Variants in NUP205 observed in about 807,000 individuals in gnomAD.
NUP205 encodes the protein nucleoporin 205.
In NUP205, 76 loss-of-function variants were observed where a neutral mutation model predicts 253.8. The observed-to-expected ratio is 0.30, with a 90% CI of 0.25 to 0.36. NUP205 has a LOEUF of 0.36. Among genes scored for constraint, NUP205 ranks in the 10% least tolerant of loss-of-function variants. NUP205 has a pLI of 1.00. For missense variants in NUP205, 2,162 were observed against 2,425.5 expected, an observed-to-expected ratio of 0.89 and a Z score of 2.28; for synonymous variants, 832 against 850.1, an observed-to-expected ratio of 0.98 and a Z score of 0.37.
At chr7:135,625,115 A>G (rs757392656) in intron 31 of NUP205, 49 bp from the exon 32 acceptor site, 15 of 1,422,682 alleles carry the variant, frequency 1.1e-5, no homozygotes, top group Non-Finnish European at 1.5e-5. Context: ...ACTGTTGTTG[A>G]TTTTGGTAGC....
chr7:135,586,126 T>C (rs1012321218), intron 8 of NUP205, among the ~76,000 whole-genome samples: 15 of 125,536 alleles, frequency 1.2e-4, no homozygotes, highest in Admixed American at 6.2e-4. Flanking sequence ...CTATTTCAAA[T>C]GTACAGTTTT....
At chr7:135,570,067 A>C (rs1039805170) in intron 1 of NUP205, among the ~76,000 whole-genome samples, 1 of 147,838 alleles carries the variant, frequency 6.8e-6, no homozygotes, top group African/African-American at 2.5e-5. Context: ...AGAGAGAGAG[A>C]GAGAGAGAGA....
In NUP205 at chr7:135,587,937, C is replaced by T. The variant is rs770294446; in HGVS notation, c.1418C>T (p.Pro473Leu). The change falls in exon 10 of 43, where the codon CCG (proline) becomes CTG (leucine). Residue 473 changes from proline (P) to leucine (L), a missense_variant. Transcript: ENST00000285968. Reference protein sequence around the residue: ...YWCPTEPLQTPTIMGSYLGVA... With the variant: ...YWCPTEPLQTLTIMGSYLGVA... ...TGTCCCACAGAGCCTCTTCAGACTC[C>T]GACTATCATGGGCTCTTATCTAGGG... The T allele has an allele frequency of 6.2e-6, 10 of 1,613,836 alleles. No homozygotes were observed. Among genetic ancestry groups the T allele is most frequent in the East Asian group, 2.2e-5 (1 of 44,894 alleles).
intron 38 of NUP205, among the ~76,000 whole-genome samples, chr7:135,642,902 G>A (rs1322555409): frequency 6.6e-6 from 1 of 151,036 alleles, no homozygotes; most frequent in Non-Finnish European, 1.5e-5. Context: ...CTTTGATAGA[G>A]TTCTCAAAGG....
At chr7:135,584,601 C>G (rs1392471756) in intron 7 of NUP205, among the ~76,000 whole-genome samples, 1 of 152,180 alleles carries the variant, frequency 6.6e-6, no homozygotes, top group Non-Finnish European at 1.5e-5. Flanking sequence ...GTTATTATTT[C>G]AAAGAGTATG....
At chr7:135,640,606 C>CT (rs1461166722) in intron 38 of NUP205, among the ~76,000 whole-genome samples, 2 of 152,224 alleles carry the variant, frequency 1.3e-5, no homozygotes, top group African/African-American at 4.8e-5. Context: ...TATGTCTAGG[C>CT]TTTTTCGTTT....
At chr7:135,600,619 A>G (rs1793946624) in intron 15 of NUP205, among the ~76,000 whole-genome samples, 1 of 152,232 alleles carries the variant, frequency 6.6e-6, no homozygotes, top group African/African-American at 2.4e-5. Context: ...TGAATTCCAA[A>G]CATCTATAAA....
chr7:135,558,253 C>T (rs1259389907), intron 1 of NUP205: 4 of 472,210 alleles, frequency 8.5e-6, no homozygotes, highest in Admixed American at 3.3e-5. Context: ...AGTCTGGTCC[C>T]CCTCACCCCC....
At chr7:135,563,253 T>G (rs2129489475) in intron 1 of NUP205, among the ~76,000 whole-genome samples, 1 of 152,272 alleles carries the variant, frequency 6.6e-6, no homozygotes, top group South Asian at 2.1e-4. Flanking sequence ...AGTGGCGTGA[T>G]CTCGGCTCAC....
At chr7:135,642,436 C>G (rs1222102601) in intron 38 of NUP205, among the ~76,000 whole-genome samples, 1 of 152,146 alleles carries the variant, frequency 6.6e-6, no homozygotes, top group East Asian at 1.9e-4. Flanking sequence ...ATTCTCTCTC[C>G]TCAGCCTTCC....
intron 40 of NUP205, 137 bp from the exon 41 acceptor site, chr7:135,645,331 G>A (rs1794985684): frequency 4.3e-6 from 4 of 940,916 alleles, no homozygotes; most frequent in Admixed American, 2.3e-5. Context: ...AGCCTTCAGT[G>A]AGACCCTGTC....
At position 135,617,625 on chromosome 7, in the gene NUP205, T is replaced by G. The variant is rs889305591; in HGVS notation, c.3714T>G (p.Ala1238=). 4.8e-5 allele frequency: 77 copies of G among 1,612,872 alleles called. No homozygotes were observed. Among genetic ancestry groups the G allele is most frequent in the Non-Finnish European group, 6.4e-5 (75 of 1,179,100 alleles). ...AGCTTCTTCATAGGGTTCTTGTAGC[T>G]GAAGTAAATGCCCTTCAGGGTATGG... ...NVKLLHRVLV[A]EVNALQGMAA... is the part of the protein sequence containing the mutation. Residue 1238 remains alanine, a synonymous_variant, in exon 27 of 43, where the codon GCT becomes GCG. Transcript: ENST00000285968.
chr7:135,562,881 GA>G (rs1418796365), intron 1 of NUP205, among the ~76,000 whole-genome samples: 1 of 152,124 alleles, frequency 6.6e-6, no homozygotes, highest in African/African-American at 2.4e-5. Flanking sequence ...AGCCCTGTGT[GA>G]TGATCTTGCC....
intron 35 of NUP205, among the ~76,000 whole-genome samples, chr7:135,633,356 C>T (rs1256292905): frequency 2.6e-5 from 4 of 152,118 alleles, no homozygotes; most frequent in African/African-American, 9.7e-5. Flanking sequence ...CTCAAATGAT[C>T]CTCCTGCCTC....
rs1238577458 is a variant in NUP205, at chr7:135,646,748, C to CT, written c.5886+519dup. Among the ~76,000 whole-genome samples, 16 of 152,212 alleles carry CT rather than the reference C, an allele frequency of 1.1e-4. 1 individual carries two copies. Among genetic ancestry groups the CT allele is most frequent in the Admixed American group, 1.0e-3 (16 of 15,284 alleles). On this transcript the variant is annotated intron_variant, in intron 42 of 42. Transcript: ENST00000285968. The stretch of plus-strand genomic sequence containing the variant: ...TTAACAGCTATATGACTTTGAACAA[C>CT]TTACTTAACTTCCGAGCCTCAATTG...
intron 1 of NUP205, 108 bp downstream of exon 1, chr7:135,558,080 TGCCTGCTTTTCCCTAATTCTGGG>T: frequency 1.1e-6 from 1 of 938,896 alleles, no homozygotes; most frequent in Non-Finnish European, 1.8e-6. Flanking sequence ...TTATGTGCGG[TGCCTGCTTTTCCCTAATTCTGGG>T]CCTAGAGTCC....
chr7:135,633,739 G>T (rs117904722), intron 35 of NUP205, among the ~76,000 whole-genome samples: 1 of 152,082 alleles, frequency 6.6e-6, no homozygotes, highest in Non-Finnish European at 1.5e-5. Flanking sequence ...CACTGAACCC[G>T]GCCCCATTTT....
intron 35 of NUP205, among the ~76,000 whole-genome samples, chr7:135,635,089 G>A (rs1489511973): frequency 6.6e-6 from 1 of 151,784 alleles, no homozygotes; most frequent in Non-Finnish European, 1.5e-5. Context: ...ATTAGAGGTG[G>A]GTCATTTCGA....
rs746474356 is a variant in NUP205 at position 135,604,443 on chromosome 7, G to A, written c.2806G>A (p.Asp936Asn). ...TAATATTCAGATAAAGTTGGTTGGAGATTTCACACATGACCAGGTAACTGA... is the reference window on the plus strand; with the variant it reads ...TAATATTCAGATAAAGTTGGTTGGAAATTTCACACATGACCAGGTAACTGA... ...NSNIQIKLVG[D>N]FTHDQSISQK... is the part of the protein sequence containing the mutation. Residue 936 changes from aspartate to asparagine, a missense_variant, in exon 19 of 43, where the codon GAT becomes AAT. Asp to Asn is a conservative substitution (Grantham distance 23). Around this residue, in one of 5 missense-constraint regions of NUP205, gnomAD observed 892 missense variants for 957.1 expected, o/e 0.93. Coordinates refer to ENST00000285968, the MANE Select transcript of NUP205 (RefSeq NM_015135.3). 6.2e-7 allele frequency: 1 copy of A among 1,605,456 alleles called. No individual in the cohort carries two copies. The highest frequency in any genetic ancestry group is 1.3e-5 in the African/African-American group (1 of 74,538).
Sources: allele counts gnomAD v4.1 joint callset (sites outside exome capture counted in the v4.1 genomes callset), GRCh38; gene constraint gnomAD v4.1.1; regional missense constraint gnomAD v4.1.1; transcripts MANE v1.5; gene names NCBI Gene and HGNC (gene_info 2026-07-23, HGNC 2026-07-21).